ADAM18: variants seen among roughly 807,000 people sequenced by gnomAD.
The protein encoded by ADAM18 is ADAM metallopeptidase domain 18, also known as disintegrin and metalloproteinase domain-containing protein 18.
ADAM18 carries 117 observed loss-of-function variants against 94.4 expected under a neutral mutation model. The ratio of observed to expected loss-of-function variants is 1.24; its 90% CI spans 1.07 to 1.45. The LOEUF is 1.45. Ranked by LOEUF, ADAM18 falls within the 40% of genes most tolerant of loss-of-function variation. The probability of loss-of-function intolerance (pLI) is 0.00; values close to 1 mark genes in which losing one functional copy is unlikely to be tolerated. For missense variants in ADAM18, 936 were observed against 880.0 expected (o/e 1.06, Z -0.81); for synonymous variants, 327 against 291.6 (o/e 1.12, Z -1.24).
chr8:39,718,694 C>T (rs555900165), intron 18 of ADAM18, among the ~76,000 whole-genome samples: 4 of 149,814 alleles, frequency 2.7e-5, no homozygotes, highest in South Asian at 4.2e-4. Flanking sequence ...CTAGATCTCT[C>T]GTTAGGTAGG....
intron 18 of ADAM18, 81 bp downstream of exon 18, chr8:39,706,985 A>G: frequency 1.3e-6 from 1 of 774,720 alleles, no homozygotes. Context: ...GTCATCTTGA[A>G]TGGTAGCTTC....
intron 15 of ADAM18, among the ~76,000 whole-genome samples, chr8:39,678,432 A>G (rs1458886023): frequency 6.6e-6 from 1 of 152,168 alleles, no homozygotes; most frequent in East Asian, 1.9e-4. Context: ...AGGATGCAGA[A>G]CTTCCCACTT....
intron 18 of ADAM18, among the ~76,000 whole-genome samples, chr8:39,707,845 C>A (rs1263419217): frequency 1.3e-5 from 2 of 151,622 alleles, no homozygotes; most frequent in Admixed American, 1.3e-4. Flanking sequence ...GAGTATTCAC[C>A]CTTTTCCTTA....
chr8:39,667,582 C>G (rs1239301570), intron 13 of ADAM18, among the ~76,000 whole-genome samples: 1 of 152,110 alleles, frequency 6.6e-6, no homozygotes, highest in Non-Finnish European at 1.5e-5. Flanking sequence ...GATTGTGTTT[C>G]TCACCCATAC....
intron 6 of ADAM18, among the ~76,000 whole-genome samples, chr8:39,618,676 G>A (rs1296510585): frequency 1.3e-5 from 2 of 152,302 alleles, no homozygotes; most frequent in Middle Eastern, 3.4e-3. Flanking sequence ...TAGAAGAGCC[G>A]TGGCAAGATG....
chr8:39,659,022 T>C (rs1023977766), intron 12 of ADAM18, among the ~76,000 whole-genome samples: 1 of 152,212 alleles, frequency 6.6e-6, no homozygotes, highest in Admixed American at 6.5e-5. Flanking sequence ...CATTTCCAAC[T>C]TGATCTCTTG....
intron 6 of ADAM18, among the ~76,000 whole-genome samples, chr8:39,619,857 T>C (rs1299282478): frequency 6.6e-6 from 1 of 152,114 alleles, no homozygotes; most frequent in Non-Finnish European, 1.5e-5. Context: ...AAAATTCTAA[T>C]ACCAGTCTTT....
intron 16 of ADAM18, among the ~76,000 whole-genome samples, chr8:39,686,316 T>C (rs147704015): frequency 6.6e-6 from 1 of 152,210 alleles, no homozygotes; most frequent in Non-Finnish European, 1.5e-5. Flanking sequence ...AGGAACGTAC[T>C]GCTTAACAGT....
chr8:39,648,483 G>A lies in ADAM18; in HGVS notation c.1186G>A (p.Gly396Arg), dbSNP rs1198354239. ...LHQNQPVCGN[G>R]ILESNEECDC... ...TCAAAATCAACCAGTGTGTGGTAAT[G>A]GGATTTTGGAATCCAATGAAGAATG... Residue 396 changes from glycine (G) to arginine (R), a missense_variant, in exon 12 of 20, where the codon GGG becomes AGG. By Grantham distance (125) the Gly-to-Arg change is moderately radical. Transcript: ENST00000265707. The A allele has an allele frequency of 6.2e-7, 1 of 1,611,404 alleles. No homozygotes were observed. The highest frequency in any genetic ancestry group is 1.1e-5 in the South Asian group (1 of 90,422).
In ADAM18 at chr8:39,610,529, G is replaced by T; in HGVS notation, c.345G>T (p.Arg115Ser). Residue 115 changes from arginine (R) to serine (S), a missense_variant and splice_region_variant, in exon 6 of 20, where the codon AGG becomes AGT. Physicochemically the swap from Arg to Ser is moderately radical, Grantham distance 110. Transcript: ENST00000265707. ...FVTLSICSGLRGFLQFENISY... is the reference protein window; with the variant it reads ...FVTLSICSGLSGFLQFENISY... ...TTTCTTATGCCTTCTAAATTTTCAG[G>T]GGATTTCTCCAGTTTGAAAATATCA... 1 of 1,586,674 alleles carries T rather than the reference G, an allele frequency of 6.3e-7. No homozygotes were observed. Among genetic ancestry groups the T allele is most frequent in the Non-Finnish European group, 8.6e-7 (1 of 1,165,604 alleles).
intron 12 of ADAM18, among the ~76,000 whole-genome samples, chr8:39,651,569 C>G (rs557388318): frequency 2.3e-4 from 34 of 150,504 alleles, no homozygotes; most frequent in Non-Finnish European, 4.0e-4. Context: ...ACATCCTGCA[C>G]AGCCCTTAAT....
At chr8:39,711,380 A>C (rs1469860328) in intron 18 of ADAM18, among the ~76,000 whole-genome samples, 2 of 152,198 alleles carry the variant, frequency 1.3e-5, no homozygotes, top group African/African-American at 4.8e-5. Context: ...GGAAAAGGAA[A>C]GCATGACCTA....
At position 39,663,832 on chromosome 8, in the gene ADAM18, G is replaced by A; in HGVS notation, c.1268G>A (p.Cys423Tyr). The part of the protein sequence containing the change: ...QFKKCCDYNT[C>Y]KLKGSVKCGS... Reference sequence around the variant, plus strand: ...AAGAAGTGCTGTGATTATAACACATGTAAACTGAAGGGCTCAGTAAAATGT... The same window carrying A: ...AAGAAGTGCTGTGATTATAACACATATAAACTGAAGGGCTCAGTAAAATGT... Residue 423 changes from cysteine to tyrosine, a missense_variant, in exon 13 of 20, where the codon TGT (cysteine) becomes TAT (tyrosine). Transcript: ENST00000265707. 3 of 1,612,604 alleles carry A rather than the reference G, an allele frequency of 1.9e-6. No individual in the cohort carries two copies. The highest frequency in any genetic ancestry group is 2.5e-6 in the Non-Finnish European group (3 of 1,179,652).
At chr8:39,661,514 A>G (rs1470314137) in intron 12 of ADAM18, among the ~76,000 whole-genome samples, 1 of 151,676 alleles carries the variant, frequency 6.6e-6, no homozygotes, top group East Asian at 1.9e-4. Context: ...TGCAGTCTCT[A>G]ATTGGTCTGT....
At chr8:39,639,908 C>A (rs1820189290) in intron 10 of ADAM18, among the ~76,000 whole-genome samples, 1 of 151,936 alleles carries the variant, frequency 6.6e-6, no homozygotes, top group Admixed American at 6.6e-5. Flanking sequence ...TTATGTGTAT[C>A]CCTCTTTCAT....
intron 18 of ADAM18, among the ~76,000 whole-genome samples, chr8:39,712,032 G>C (rs538693174): frequency 1.5e-5 from 2 of 134,598 alleles, no homozygotes; most frequent in East Asian, 2.4e-4. Context: ...ATCAGAGAAG[G>C]CCCCCCCCCG....
chr8:39,608,945 T>C, intron 3 of ADAM18, 97 bp from the exon 4 acceptor site: 2 of 719,612 alleles, frequency 2.8e-6, no homozygotes, highest in Non-Finnish European at 4.6e-6. Flanking sequence ...TATATAAAGC[T>C]AATTAAATCG....
chr8:39,661,319 A>ATTT (rs71518171), intron 12 of ADAM18, among the ~76,000 whole-genome samples: 1,860 of 112,554 alleles, frequency 0.017, 179 homozygotes, highest in African/African-American at 0.062. Flanking sequence ...CACCCGGCAA[A>ATTT]TTTTTTTTTT....
Position 39,668,209 on chromosome 8 carries a change from C to T in ADAM18, c.1525+13C>T. ...ATATTTGGAAAAGGTATTGCTCTTTCTTTCGTATTTATTTTACCTTACATT... is the reference window on the plus strand; with the variant it reads ...ATATTTGGAAAAGGTATTGCTCTTTTTTTCGTATTTATTTTACCTTACATT... On this transcript the variant is annotated intron_variant, in intron 14 of 19. Transcript: ENST00000265707. 6.2e-7 allele frequency: 1 copy of T among 1,612,306 alleles called. No homozygotes were observed. The highest frequency in any genetic ancestry group is 8.5e-7 in the Non-Finnish European group (1 of 1,178,448).
Sources: allele counts gnomAD v4.1 joint callset (sites outside exome capture counted in the v4.1 genomes callset), GRCh38; gene constraint gnomAD v4.1.1; transcripts MANE v1.5; gene names NCBI Gene and HGNC (gene_info 2026-07-23, HGNC 2026-07-21).